The following CDH13 variants were observed in gnomAD, a reference collection of about 807,000 sequenced individuals.
CDH13 encodes the protein cadherin-13.
In CDH13, 24 loss-of-function variants were observed where a neutral mutation model predicts 63.8. That is an observed-to-expected ratio of 0.38 (90% CI 0.27 to 0.53). The LOEUF (loss-of-function observed/expected upper bound fraction) is 0.53, where lower values mean the gene tolerates loss of function less well. CDH13 is among the 20% of genes least tolerant of loss of function. The pLI, the probability that CDH13 is intolerant of heterozygous loss-of-function variation, is 0.85. For missense variants in CDH13, 1,049 were observed against 903.1 expected, an observed-to-expected ratio of 1.16 and a Z score of -2.07; for synonymous variants, 503 against 355.3, an observed-to-expected ratio of 1.42 and a Z score of -4.67.
chr16:83,661,622 C>A (rs1180221577), intron 8 of CDH13, among the ~76,000 whole-genome samples: 2 of 152,206 alleles, frequency 1.3e-5, no homozygotes, highest in Non-Finnish European at 2.9e-5. Context: ...GTTATGCAAG[C>A]CTCTTCTCCG....
At chr16:82,883,213 C>T (rs2040766237) in intron 2 of CDH13, among the ~76,000 whole-genome samples, 1 of 152,188 alleles carries the variant, frequency 6.6e-6, no homozygotes. Context: ...TACTAAGCAG[C>T]TATGAGAAAT....
chr16:82,845,858 C>G (rs2039235607), intron 1 of CDH13, among the ~76,000 whole-genome samples: 2 of 152,198 alleles, frequency 1.3e-5, no homozygotes, highest in Admixed American at 6.5e-5. Context: ...GCCAGGCATT[C>G]CCAGTGTAGT....
At chr16:82,726,252 G>T (rs1323046287) in intron 1 of CDH13, among the ~76,000 whole-genome samples, 1 of 152,108 alleles carries the variant, frequency 6.6e-6, no homozygotes, top group South Asian at 2.1e-4. Context: ...AACTTTTCCT[G>T]TAAAGTAAAT....
intron 7 of CDH13, among the ~76,000 whole-genome samples, chr16:83,492,929 G>C (rs1598147519): frequency 6.6e-6 from 1 of 152,228 alleles, no homozygotes; most frequent in African/African-American, 2.4e-5. Context: ...ACCGTGGCTA[G>C]TCTCTTAGTA....
chr16:83,687,135 C>G lies in CDH13; in HGVS notation c.1538+8674C>G, dbSNP rs1904381980. 2.0e-5 allele frequency among the ~76,000 whole-genome samples: 3 copies of G among 152,052 alleles called. No homozygotes were observed. The South Asian group carries it at 6.2e-4, about 32-fold the overall frequency. ...GGCTGAGGCAGGAGAATCACTTGAA[C>G]CTGGGAGGTGGAGGTTGCAGTGAGC... On this transcript the variant is annotated intron_variant, in intron 10 of 13. Coordinates refer to ENST00000567109, the MANE Select transcript of CDH13 (RefSeq NM_001257.5).
intron 5 of CDH13, among the ~76,000 whole-genome samples, chr16:83,295,523 A>G (rs1162032404): frequency 6.6e-6 from 1 of 152,182 alleles, no homozygotes; most frequent in Non-Finnish European, 1.5e-5. Context: ...AAGGAACTGA[A>G]TAGACAGTTT....
chr16:82,943,765 G>A (rs773414523), intron 2 of CDH13, among the ~76,000 whole-genome samples: 2 of 152,234 alleles, frequency 1.3e-5, no homozygotes, highest in Non-Finnish European at 2.9e-5. Context: ...CAATTACACA[G>A]ATGTCTCTCA....
At chr16:82,690,400 C>T (rs1168255523) in intron 1 of CDH13, among the ~76,000 whole-genome samples, 6 of 151,900 alleles carry the variant, frequency 3.9e-5, no homozygotes, top group Non-Finnish European at 8.8e-5. Context: ...ACAAAAATAA[C>T]AAAAAATTAA....
intron 7 of CDH13, among the ~76,000 whole-genome samples, chr16:83,587,725 T>C (rs768057857): frequency 3.3e-5 from 5 of 152,232 alleles, no homozygotes; most frequent in Non-Finnish European, 7.3e-5. Context: ...GGAGCCACCA[T>C]AAAACGTATT....
chr16:83,178,436 T>A (rs558227184), intron 4 of CDH13, among the ~76,000 whole-genome samples: 3 of 152,356 alleles, frequency 2.0e-5, no homozygotes, highest in Middle Eastern at 6.8e-3. Context: ...CTTGGGACCA[T>A]AATTTCTGAA....
intron 2 of CDH13, among the ~76,000 whole-genome samples, chr16:82,945,105 T>C (rs1904556230): frequency 1.3e-5 from 2 of 152,196 alleles, no homozygotes; most frequent in Non-Finnish European, 2.9e-5. Flanking sequence ...GAAAACAGTG[T>C]AGAGAAAGCT....
chr16:82,649,365 G>C (rs74948898), intron 1 of CDH13, among the ~76,000 whole-genome samples: 1 of 152,044 alleles, frequency 6.6e-6, no homozygotes, highest in Non-Finnish European at 1.5e-5. Context: ...TATATGAAGG[G>C]GAAGGAATCT....
chr16:82,889,233 G>A (rs2040993119), intron 2 of CDH13, among the ~76,000 whole-genome samples: 1 of 151,620 alleles, frequency 6.6e-6, no homozygotes, highest in South Asian at 2.1e-4. Flanking sequence ...ATTTTTAATT[G>A]GTTTTTACAT....
rs191109608 is a variant in CDH13, at chr16:83,446,313, A to G, written c.782-40164A>G. 2.7e-3 allele frequency among the ~76,000 whole-genome samples: 412 copies of G among 151,868 alleles called. 1 individual carries two copies. Among genetic ancestry groups the G allele is most frequent in the African/African-American group, 7.2e-3 (297 of 41,478 alleles). The stretch of plus-strand genomic sequence containing the variant: ...GTGAGACTGTCTCAAAAAAAAAAAA[A>G]AAAGAAAGAAAGAAAAAAGAAAAAA... On this transcript the variant is annotated intron_variant, in intron 6 of 13. Coordinates refer to ENST00000567109, the MANE Select transcript of CDH13 (RefSeq NM_001257.5).
At position 82,713,821 on chromosome 16, in the gene CDH13, CAAAA is replaced by C. The variant is rs1230170089; in HGVS notation, c.45+86690_45+86693del. On this transcript the variant is annotated intron_variant, in intron 1 of 13. Transcript: ENST00000567109. ...CTGTATTTGTGAAAAAAAAAACAAACAAAAAAAAAGGAAAACAATAGTTTCCCTT... is the reference window on the plus strand; with the variant it reads ...CTGTATTTGTGAAAAAAAAAACAAACAAAAAGGAAAACAATAGTTTCCCTT... Among the ~76,000 whole-genome samples the C allele has an allele frequency of 2.8e-3, 401 of 141,120 alleles. 3 individuals carry two copies. Among genetic ancestry groups the C allele is most frequent in the African/African-American group, 0.01 (377 of 37,670 alleles). 92.6% of individuals were successfully genotyped at this position (141,120 alleles called of 152,430 possible).
chr16:83,758,571 A>G (rs1488487957), intron 11 of CDH13, among the ~76,000 whole-genome samples: 1 of 152,252 alleles, frequency 6.6e-6, no homozygotes, highest in Non-Finnish European at 1.5e-5. Flanking sequence ...AAGGCAAACA[A>G]AAGAAATACT....
At chr16:83,374,687 G>A (rs1437642104) in intron 6 of CDH13, among the ~76,000 whole-genome samples, 4 of 152,194 alleles carry the variant, frequency 2.6e-5, no homozygotes, top group East Asian at 3.9e-4. Context: ...TCCTCCATTA[G>A]CATTTGTTAT....
chr16:83,018,794 T>C (rs1221242849), intron 2 of CDH13, among the ~76,000 whole-genome samples: 2 of 152,250 alleles, frequency 1.3e-5, no homozygotes, highest in East Asian at 1.9e-4. Context: ...GGTGCTGTAC[T>C]GAGTGCTATA....
At chr16:83,107,736 T>G (rs780358534) in intron 3 of CDH13, among the ~76,000 whole-genome samples, 14,494 of 146,258 alleles carry the variant, frequency 0.099, 781 homozygotes, top group African/African-American at 0.15. Flanking sequence ...TTAGGTGGGT[T>G]TTTTTTTTTT....
Sources: allele counts gnomAD v4.1 joint callset (sites outside exome capture counted in the v4.1 genomes callset), GRCh38; gene constraint gnomAD v4.1.1; transcripts MANE v1.5; gene names NCBI Gene and HGNC (gene_info 2026-07-23, HGNC 2026-07-21).